Variants in ABCC9 observed in about 807,000 individuals in gnomAD.
The protein encoded by ABCC9 is ATP binding cassette subfamily C member 9.
Under a neutral mutation model 188.3 loss-of-function variants are expected in ABCC9, and 95 were observed. The observed-to-expected ratio is 0.50, with a 90% CI of 0.43 to 0.60. The LOEUF (loss-of-function observed/expected upper bound fraction) is 0.60. Ranked by LOEUF, ABCC9 falls within the 20% of genes least tolerant of loss-of-function variation. ABCC9 has a pLI of 0.00. For missense variants in ABCC9, 1,102 were observed against 1,876.3 expected (o/e 0.59, Z 7.62); for synonymous variants, 659 against 652.7 (o/e 1.01, Z -0.15).
intron 4 of ABCC9, among the ~76,000 whole-genome samples, chr12:21,926,405 ATG>A (rs532406916): frequency 2.6e-3 from 394 of 152,322 alleles, no homozygotes; most frequent in Non-Finnish European, 4.9e-3. Context: ...CTGAACTCCA[ATG>A]TGTGTGAAAA....
chr12:21,873,525 C>A (rs750023276), intron 17 of ABCC9, among the ~76,000 whole-genome samples: 7 of 152,114 alleles, frequency 4.6e-5, no homozygotes, highest in Non-Finnish European at 1.0e-4. Flanking sequence ...TAATCCTTAT[C>A]AAAATCCCTA....
chr12:21,817,329 A>T (rs538119713), intron 32 of ABCC9, 22 bp from the exon 33 acceptor site: 1 of 1,611,854 alleles, frequency 6.2e-7, no homozygotes, highest in African/African-American at 1.3e-5. Flanking sequence ...GATTAAAAAA[A>T]TTGTTTTAAA....
intron 5 of ABCC9, among the ~76,000 whole-genome samples, chr12:21,922,683 T>G (rs990345961): frequency 5.9e-5 from 9 of 151,308 alleles, no homozygotes; most frequent in Admixed American, 5.9e-4. Context: ...AAGATGCCAA[T>G]TATCTCCTGA....
At chr12:21,934,616 CGTAGAGTAATACTAGGTCAT>C (rs540249486) in intron 3 of ABCC9, among the ~76,000 whole-genome samples, 30 of 151,702 alleles carry the variant, frequency 2.0e-4, no homozygotes, top group Admixed American at 2.6e-4. Flanking sequence ...TTAGTTACTA[CGTAGAGTAATACTAGGTCAT>C]GTAGAGTAAT....
intron 4 of ABCC9, among the ~76,000 whole-genome samples, chr12:21,929,717 C>G (rs1024962721): frequency 2.6e-5 from 4 of 152,042 alleles, no homozygotes; most frequent in Non-Finnish European, 5.9e-5. Flanking sequence ...AGAGAAAAAG[C>G]AAAACTAAAT....
intron 24 of ABCC9, among the ~76,000 whole-genome samples, chr12:21,851,836 A>G (rs1301857611): frequency 1.3e-5 from 2 of 152,156 alleles, no homozygotes; most frequent in Non-Finnish European, 2.9e-5. Flanking sequence ...CACACATATA[A>G]TTGCACTATG....
intron 33 of ABCC9, among the ~76,000 whole-genome samples, chr12:21,816,157 C>G (rs976800987): frequency 6.9e-6 from 1 of 143,934 alleles, no homozygotes; most frequent in Non-Finnish European, 1.5e-5. Context: ...GTTTTTGGAG[C>G]CTTAACCATC....
At chr12:21,927,137 T>C (rs1949074867) in intron 4 of ABCC9, among the ~76,000 whole-genome samples, 1 of 152,146 alleles carries the variant, frequency 6.6e-6, no homozygotes, top group African/African-American at 2.4e-5. Flanking sequence ...CATAGAAGCA[T>C]GAAACAATAC....
At chr12:21,818,643 A>C (rs1029792432) in intron 31 of ABCC9, among the ~76,000 whole-genome samples, 3 of 122,952 alleles carry the variant, frequency 2.4e-5, no homozygotes, top group African/African-American at 9.8e-5. Context: ...TGTAGGGTTT[A>C]CTTTTTTTTT....
chr12:21,814,103 G>A (rs1942445403), intron 35 of ABCC9, among the ~76,000 whole-genome samples: 1 of 152,246 alleles, frequency 6.6e-6, no homozygotes, highest in East Asian at 1.9e-4. Flanking sequence ...TATGGTGGAT[G>A]AATGTGTATG....
chr12:21,934,026 G>C (rs1209016418), intron 3 of ABCC9, 103 bp from the exon 4 acceptor site: 1 of 1,254,696 alleles, frequency 8.0e-7, no homozygotes, highest in East Asian at 2.5e-5. Context: ...GGGGTGGGGG[G>C]GTCCTGAAAC....
At position 21,872,637 on chromosome 12, in the gene ABCC9, A is replaced by G; in HGVS notation, c.2186T>C (p.Val729Ala). Residue 729 changes from valine to alanine, a missense_variant, in exon 18 of 40, where the codon GTT becomes GCT. Around this residue, in one of 12 missense-constraint regions of ABCC9, gnomAD observed 258 missense variants for 325.6 expected, o/e 0.79. Coordinates refer to ENST00000261200, the MANE Select transcript of ABCC9 (RefSeq NM_020297.4). ...LGEMQTLEGK[V>A]HWSNVNESEP... is the part of the protein sequence containing the mutation. ...AAAATATACATACTTGCTCCAGTGA[A>G]CTTTTCCTTCCAATGTCTGCATCTC... The G allele has an allele frequency of 6.2e-7, 1 of 1,613,194 alleles. No homozygotes were observed. Among genetic ancestry groups the G allele is most frequent in the Non-Finnish European group, 8.5e-7 (1 of 1,179,218 alleles).
chr12:21,915,223 A>ATGTGTGTG (rs1177922394), intron 7 of ABCC9, among the ~76,000 whole-genome samples: 12 of 117,190 alleles, frequency 1.0e-4, no homozygotes, highest in African/African-American at 3.8e-4. Context: ...CTTTATATAT[A>ATGTGTGTG]TATGTGTGTG....
intron 23 of ABCC9, 72 bp downstream of exon 23, chr12:21,852,296 A>G (rs1218229101): frequency 2.7e-5 from 44 of 1,613,014 alleles, no homozygotes; most frequent in Non-Finnish European, 3.4e-5. Flanking sequence ...TTATTTCAGA[A>G]AGCATTTTTT....
chr12:21,890,110 A>G (rs1947077472), intron 14 of ABCC9, among the ~76,000 whole-genome samples: 1 of 152,164 alleles, frequency 6.6e-6, no homozygotes, highest in South Asian at 2.1e-4. Flanking sequence ...TACGAAAAGC[A>G]TTTTCTATTC....
intron 5 of ABCC9, among the ~76,000 whole-genome samples, chr12:21,922,631 A>T (rs1948870759): frequency 6.6e-6 from 1 of 151,870 alleles, no homozygotes; most frequent in Admixed American, 6.6e-5. Flanking sequence ...GAAACAAAAG[A>T]CCTAAATAAA....
intron 30 of ABCC9, among the ~76,000 whole-genome samples, chr12:21,830,138 G>T (rs1387055728): frequency 1.3e-5 from 2 of 152,124 alleles, no homozygotes; most frequent in African/African-American, 2.4e-5. Flanking sequence ...ACCAAATTCT[G>T]TGTAACCTAT....
At chr12:21,856,881 C>T (rs954043601) in intron 22 of ABCC9, among the ~76,000 whole-genome samples, 2 of 152,150 alleles carry the variant, frequency 1.3e-5, no homozygotes, top group Admixed American at 6.5e-5. Context: ...ATAGCCAATA[C>T]TCAAAAGGCA....
At chr12:21,811,111 T>C (rs1942206576) in intron 36 of ABCC9, among the ~76,000 whole-genome samples, 1 of 152,148 alleles carries the variant, frequency 6.6e-6, no homozygotes, top group South Asian at 2.1e-4. Flanking sequence ...GTTTCCCCCA[T>C]GCTGTTCTCA....
Sources: allele counts gnomAD v4.1 joint callset (sites outside exome capture counted in the v4.1 genomes callset), GRCh38; gene constraint gnomAD v4.1.1; regional missense constraint gnomAD v4.1.1; transcripts MANE v1.5; gene names NCBI Gene and HGNC (gene_info 2026-07-23, HGNC 2026-07-21).